Variants in CBX3 observed in about 807,000 individuals in gnomAD.
CBX3 encodes the protein chromobox protein homolog 3.
A neutral mutation model predicts 22.6 loss-of-function variants in CBX3; 5 were observed. The ratio of observed to expected loss-of-function variants is 0.22; its 90% CI spans 0.12 to 0.47. The LOEUF (loss-of-function observed/expected upper bound fraction) is 0.47. CBX3 is among the 20% of genes least tolerant of loss of function. The pLI is 0.99. For synonymous variants in CBX3, 50 were observed against 66.6 expected, an observed-to-expected ratio of 0.75 and a Z score of 1.21; for missense variants, 83 against 208.1, an observed-to-expected ratio of 0.40 and a Z score of 3.70.
rs532647271 is a variant in CBX3, at chr7:26,208,630, G to GT, written c.330+82dup. On this transcript the variant is annotated intron_variant, in intron 4 of 5. Transcript: ENST00000396386. Reference sequence around the variant, plus strand: ...GGCTTGATTTCTTTTTTGTTTGTTTGTTTTTTTGAGATGGAGTCTTGCTCT... The same window carrying GT: ...GGCTTGATTTCTTTTTTGTTTGTTTGTTTTTTTTGAGATGGAGTCTTGCTCT... The GT allele has an allele frequency of 4.6e-4, 645 of 1,400,108 alleles. 6 individuals carry two copies. In the East Asian group the frequency reaches 0.013, roughly 29 times the overall value. The allele number at this position is 1,400,108 out of a possible 1,614,324, so 86.7% of individuals were successfully genotyped here.
chr7:26,207,224 CCTAT>C (rs1322573425), intron 3 of CBX3, among the ~76,000 whole-genome samples: 3 of 152,196 alleles, frequency 2.0e-5, no homozygotes, highest in Non-Finnish European at 4.4e-5. Flanking sequence ...TTGGGCTTCA[CCTAT>C]CTGTTATCTC....
rs1424237050 is a variant in CBX3, at chr7:26,212,291, T to C, written c.*83T>C. On this transcript the variant is annotated 3_prime_UTR_variant, in exon 6 of 6. Transcript: ENST00000396386. ...ATTTTGATTTACTAGTGTGACAAAA[T>C]AACTACATCCTAATGAAAATCAAGT... is the stretch of plus-strand genomic sequence containing the variant. 1.2e-6 allele frequency: 1 copy of C among 822,156 alleles called. No individual in the cohort carries two copies. Among genetic ancestry groups the C allele is most frequent in the East Asian group, 4.3e-5 (1 of 23,070 alleles). The allele number at this position is 822,156 out of a possible 1,614,324, so 50.9% of individuals were successfully genotyped here. A position where few individuals can be genotyped will look rare whatever the true frequency, so the allele number is the denominator to read the frequency against.
At chr7:26,203,858 G>A (rs914690561) in intron 2 of CBX3, among the ~76,000 whole-genome samples, 24 of 152,116 alleles carry the variant, frequency 1.6e-4, no homozygotes, top group African/African-American at 5.8e-4. Flanking sequence ...GCCATCATTA[G>A]ATTCTGCATT....
intron 4 of CBX3, chr7:26,210,003 G>C (rs1208517952): frequency 6.6e-6 from 1 of 152,148 alleles, no homozygotes; most frequent in African/African-American, 2.4e-5. Context: ...AACAGAAGCA[G>C]TTTTGGCCAG....
intron 1 of CBX3, 142 bp from the exon 2 acceptor site, chr7:26,202,829 A>G (rs1584033419): frequency 1.5e-6 from 1 of 682,374 alleles, no homozygotes; most frequent in East Asian, 2.6e-5. Context: ...CAATGTAGGT[A>G]GGAGCGCAGA....
At chr7:26,206,538 T>A in intron 3 of CBX3, 28 bp downstream of exon 3, 8 of 1,603,706 alleles carry the variant, frequency 5.0e-6, no homozygotes, top group Non-Finnish European at 6.8e-6. Context: ...ATCTTTACTA[T>A]ATGTTTAACT....
intron 2 of CBX3, among the ~76,000 whole-genome samples, chr7:26,204,349 G>A (rs181865277): frequency 6.6e-6 from 1 of 151,934 alleles, no homozygotes; most frequent in Admixed American, 6.6e-5. Flanking sequence ...ATGTAGTATA[G>A]GTATCTGATA....
Position 26,212,575 on chromosome 7 carries a change from G to T in CBX3, c.*367G>T. 1 of 113,708 alleles carries T rather than the reference G, an allele frequency of 8.8e-6. No homozygotes were observed. The highest frequency in any genetic ancestry group is 1.7e-5 in the Non-Finnish European group (1 of 58,912). 7.0% of individuals were successfully genotyped at this position (113,708 alleles called of 1,614,324 possible). A position where few individuals can be genotyped will look rare whatever the true frequency, so the allele number is the denominator to read the frequency against. On this transcript the variant is annotated 3_prime_UTR_variant, in exon 6 of 6. Transcript: ENST00000396386. ...CTAAGGACCATTCTAGATTTATTAC[G>T]TGTTTTTTGTGTGTGTGTGTGTGTG...
intron 3 of CBX3, 79 bp from the exon 4 acceptor site, chr7:26,208,314 T>C: frequency 8.4e-7 from 1 of 1,184,012 alleles, no homozygotes; most frequent in Non-Finnish European, 1.2e-6. Context: ...CCCGGGTGTC[T>C]ATTAAAATAG....
chr7:26,208,513 C>T lies in CBX3; in HGVS notation c.288C>T (p.Asp96=), dbSNP rs937207221. 1 of 1,613,754 alleles carries T rather than the reference C, an allele frequency of 6.2e-7. No individual in the cohort carries two copies. The highest frequency in any genetic ancestry group is 8.5e-7 in the Non-Finnish European group (1 of 1,179,730). The change falls in exon 4 of 6, where the codon GAC becomes GAT. Residue 96 remains aspartate, a synonymous_variant. Coordinates refer to ENST00000396386, the MANE Select transcript of CBX3 (RefSeq NM_016587.4). ...GTACAAAAAGAAAATCTTTATCTGACAGTGAATCTGATGACAGCAAATCAA... is the reference window on the plus strand; with the variant it reads ...GTACAAAAAGAAAATCTTTATCTGATAGTGAATCTGATGACAGCAAATCAA... ...KDGTKRKSLS[D]SESDDSKSKK...
At chr7:26,208,748 T>C (rs1390152525) in intron 4 of CBX3, among the ~76,000 whole-genome samples, 193 bp downstream of exon 4, 1 of 151,776 alleles carries the variant, frequency 6.6e-6, no homozygotes, top group Non-Finnish European at 1.5e-5. Context: ...GCCTCCCAAG[T>C]AGCTGGGATT....
At chr7:26,207,886 G>A (rs902144091) in intron 3 of CBX3, among the ~76,000 whole-genome samples, 3 of 151,354 alleles carry the variant, frequency 2.0e-5, no homozygotes, top group African/African-American at 2.4e-5. Context: ...AGTAATTTGG[G>A]TTTACTAATT....
intron 4 of CBX3, among the ~76,000 whole-genome samples, chr7:26,209,169 A>C (rs1047930363): frequency 2.6e-5 from 4 of 151,946 alleles, no homozygotes; most frequent in African/African-American, 9.7e-5. Flanking sequence ...GGCCTCCCAG[A>C]GTGCTGGGAT....
At chr7:26,203,083 A>G (rs1784588922) in intron 2 of CBX3, 61 bp downstream of exon 2, 24 of 1,047,252 alleles carry the variant, frequency 2.3e-5, no homozygotes, top group South Asian at 5.4e-5. Flanking sequence ...TCCCCACAGT[A>G]TAACTTTGCA....
chr7:26,205,864 T>C (rs1784664533), intron 2 of CBX3, among the ~76,000 whole-genome samples: 1 of 152,194 alleles, frequency 6.6e-6, no homozygotes, highest in Non-Finnish European at 1.5e-5. Context: ...GGCTGGTGAA[T>C]CACTTCAGGT....
rs1784466937 is a variant in CBX3, at chr7:26,201,809, C to G, written c.-46C>G. 4.3e-6 allele frequency: 1 copy of G among 230,666 alleles called. No individual in the cohort carries two copies. The highest frequency in any genetic ancestry group is 4.7e-5 in the Admixed American group (1 of 21,296). 14.3% of individuals were successfully genotyped at this position (230,666 alleles called of 1,614,324 possible). ...GACGCTGCAGACCCGCGACCCGGAG[C>G]AGCTCGGAGGCGGTGAAGTCGGTGG... On this transcript the variant is annotated 5_prime_UTR_variant, in exon 1 of 6. Transcript: ENST00000396386.
chr7:26,208,322 T>C, intron 3 of CBX3, 71 bp from the exon 4 acceptor site: 1 of 1,262,584 alleles, frequency 7.9e-7, no homozygotes, highest in African/African-American at 1.5e-5. Flanking sequence ...TCTATTAAAA[T>C]AGATCTGGAT....
intron 4 of CBX3, among the ~76,000 whole-genome samples, chr7:26,208,951 T>TCTTTC (rs1784744195): frequency 8.5e-6 from 1 of 117,838 alleles, no homozygotes; most frequent in African/African-American, 3.6e-5. Context: ...TTTTTTTTTT[T>TCTTTC]CCTGGGAGAC....
chr7:26,206,561 T>C, intron 3 of CBX3, 51 bp downstream of exon 3: 1 of 1,569,696 alleles, frequency 6.4e-7, no homozygotes, highest in Non-Finnish European at 8.7e-7. Flanking sequence ...AGCTAAGTGG[T>C]TTTAGAATTT....
Sources: allele counts gnomAD v4.1 joint callset (sites outside exome capture counted in the v4.1 genomes callset), GRCh38; gene constraint gnomAD v4.1.1; transcripts MANE v1.5; gene names NCBI Gene and HGNC (gene_info 2026-07-23, HGNC 2026-07-21).